CHODL: variants seen among roughly 807,000 people sequenced by gnomAD.
CHODL encodes transmembrane protein MT75.
A neutral mutation model predicts 34.5 loss-of-function variants in CHODL; 29 were observed. The ratio of observed to expected loss-of-function variants is 0.84; its 90% CI spans 0.63 to 1.15. The LOEUF is 1.15. CHODL is among the 50% of genes most tolerant of loss of function. CHODL has a pLI of 0.00. For missense variants in CHODL, 332 were observed against 332.5 expected, an observed-to-expected ratio of 1.00 and a Z score of 0.01; for synonymous variants, 125 against 116.1, an observed-to-expected ratio of 1.08 and a Z score of -0.49.
At chr21:18,235,107 GGTGTTGCTGGCTGATTT>G (rs1372054894) in intron 2 of CHODL, among the ~76,000 whole-genome samples, 2 of 152,052 alleles carry the variant, frequency 1.3e-5, no homozygotes, top group Admixed American at 6.6e-5. Context: ...ACAGTCACTT[GGTGTTGCTGGCTGATTT>G]GTGAAAGCAG....
intron 2 of CHODL, among the ~76,000 whole-genome samples, chr21:18,118,034 C>T (rs139787229): frequency 3.6e-4 from 55 of 152,304 alleles, no homozygotes; most frequent in African/African-American, 1.3e-3. Context: ...CTGAGCAGAT[C>T]TGTGATCAAG....
intron 2 of CHODL, among the ~76,000 whole-genome samples, chr21:18,143,802 T>C (rs917536904): frequency 6.6e-6 from 1 of 152,118 alleles, no homozygotes; most frequent in East Asian, 1.9e-4. Context: ...TTCAGAATAA[T>C]AACATCCTAA....
chr21:18,242,312 A>G (rs918251443), upstream of CHODL, among the ~76,000 whole-genome samples: 2 of 152,204 alleles, frequency 1.3e-5, no homozygotes, highest in Admixed American at 6.5e-5. Context: ...CTTTGTTAAT[A>G]AAATTATTGA....
At chr21:17,947,548 C>CAG (rs2063421298) in intron 1 of CHODL, among the ~76,000 whole-genome samples, 1 of 150,466 alleles carries the variant, frequency 6.6e-6, no homozygotes, top group South Asian at 2.1e-4. Context: ...CACACAGACA[C>CAG]ACACACACAC....
chr21:17,942,637 TA>T (rs1242791765), intron 1 of CHODL, among the ~76,000 whole-genome samples: 1 of 152,248 alleles, frequency 6.6e-6, no homozygotes, highest in Non-Finnish European at 1.5e-5. Flanking sequence ...TATCAGAATT[TA>T]AAACTTAAAG....
intron 1 of CHODL, among the ~76,000 whole-genome samples, chr21:17,919,377 A>G (rs886994387): frequency 2.6e-5 from 4 of 152,022 alleles, no homozygotes; most frequent in Non-Finnish European, 5.9e-5. Flanking sequence ...CTCAAACTTC[A>G]ATTCTTGACC....
intron 2 of CHODL, among the ~76,000 whole-genome samples, chr21:18,111,555 A>G (rs2065351280): frequency 1.3e-5 from 2 of 152,130 alleles, no homozygotes; most frequent in Admixed American, 1.3e-4. Context: ...CCTTTACACA[A>G]TGACAGGTTG....
intron 1 of CHODL, among the ~76,000 whole-genome samples, chr21:17,923,928 C>CA (rs2063203436): frequency 6.6e-6 from 1 of 152,202 alleles, no homozygotes; most frequent in Non-Finnish European, 1.5e-5. Flanking sequence ...AGGTTGAAGT[C>CA]AAAGAAGCTG....
At chr21:18,242,902 G>A (rs1198817487), upstream of CHODL, among the ~76,000 whole-genome samples, 1 of 152,016 alleles carries the variant, frequency 6.6e-6, no homozygotes, top group East Asian at 1.9e-4. Context: ...GAGACATTTG[G>A]GCCTACTGAT....
rs986570584 is a variant in CHODL, at chr21:18,257,187, T to C, written c.547+60T>C. 3 of 1,470,060 alleles carry C rather than the reference T, an allele frequency of 2.0e-6. No individual in the cohort carries two copies. The African/African-American group carries it at 4.2e-5, about 21-fold the overall frequency. The allele number at this position is 1,470,060 out of a possible 1,614,324, so 91.1% of individuals were successfully genotyped here. A position where few individuals can be genotyped will look rare whatever the true frequency, so the allele number is the denominator to read the frequency against. ...GTGCATGTTTAATTGTATTAAGTTT[T>C]GTCTTTAATTTTGACTACCTGTGGC... On this transcript the variant is annotated intron_variant, in intron 3 of 5. Transcript: ENST00000299295.
intron 1 of CHODL, among the ~76,000 whole-genome samples, chr21:17,953,182 A>G (rs2063472313): frequency 6.6e-6 from 1 of 152,238 alleles, no homozygotes; most frequent in African/African-American, 2.4e-5. Context: ...ATACCAAGTA[A>G]ATAATGGAAT....
intron 1 of CHODL, among the ~76,000 whole-genome samples, chr21:18,003,079 G>C (rs933862478): frequency 5.3e-5 from 8 of 149,698 alleles, no homozygotes; most frequent in Non-Finnish European, 8.9e-5. Context: ...AGCCGAGATC[G>C]CGCCACTGCA....
At chr21:18,222,882 C>G (rs1460808321) in intron 2 of CHODL, among the ~76,000 whole-genome samples, 1 of 152,060 alleles carries the variant, frequency 6.6e-6, no homozygotes, top group Non-Finnish European at 1.5e-5. Context: ...TGCAATAAGT[C>G]AAGATAAAAT....
intron 2 of CHODL, among the ~76,000 whole-genome samples, chr21:18,126,656 A>G (rs1471074331): frequency 6.6e-6 from 1 of 151,634 alleles, no homozygotes; most frequent in Non-Finnish European, 1.5e-5. Flanking sequence ...ATGATATATT[A>G]CTAGGGCTTA....
chr21:18,127,330 A>G (rs10084564), intron 2 of CHODL, among the ~76,000 whole-genome samples: 4,131 of 152,278 alleles, frequency 0.027, 109 homozygotes, highest in African/African-American at 0.065. Context: ...CTATATACAT[A>G]TGAATAAATC....
chr21:18,136,691 T>C (rs1160905966), intron 2 of CHODL, among the ~76,000 whole-genome samples: 9 of 144,276 alleles, frequency 6.2e-5, no homozygotes, highest in Admixed American at 1.4e-4. Context: ...GAGTAGCAGA[T>C]ACTCTCAATG....
intron 1 of CHODL, among the ~76,000 whole-genome samples, chr21:17,987,738 C>G (rs2063764790): frequency 6.6e-6 from 1 of 152,104 alleles, no homozygotes; most frequent in African/African-American, 2.4e-5. Flanking sequence ...TTATTTGATT[C>G]TGGTGAGAAA....
chr21:18,215,159 A>T (rs1185751810), intron 2 of CHODL, among the ~76,000 whole-genome samples: 1 of 152,048 alleles, frequency 6.6e-6, no homozygotes, highest in East Asian at 1.9e-4. Flanking sequence ...TAATCCATAA[A>T]AGGAAGAGAG....
intron 2 of CHODL, among the ~76,000 whole-genome samples, chr21:18,122,348 A>G (rs2065490301): frequency 6.6e-6 from 1 of 152,178 alleles, no homozygotes; most frequent in Non-Finnish European, 1.5e-5. Flanking sequence ...AGGTCCATAG[A>G]CTGCATTAAA....
Sources: gnomAD v4.1 joint callset for allele counts (sites outside exome capture counted in the v4.1 genomes callset) on GRCh38, gnomAD v4.1.1 for gene constraint, MANE v1.5 for transcripts, NCBI Gene and HGNC (gene_info 2026-07-23, HGNC 2026-07-21) for gene names.